The following BLTP1 variants were observed in gnomAD, a reference collection of about 807,000 sequenced individuals.
The protein encoded by BLTP1 is bridge-like lipid transfer protein family member 1.
chr4:122,219,586 A>G, the BLTP1 span: 2 of 1,559,664 alleles, frequency 1.3e-6, no homozygotes, highest in East Asian at 2.2e-5. Flanking sequence ...TTACACATGA[A>G]AGTAGTCTGG....
At chr4:122,293,122 T>G in the BLTP1 span, 1,535 of 964,792 alleles carry the variant, frequency 1.6e-3, 13 homozygotes, top group African/African-American at 0.025. Flanking sequence ...GTATAGAGGA[T>G]ATGATGCACT....
the BLTP1 span, chr4:122,180,235 C>T: frequency 1.1e-6 from 1 of 945,806 alleles, no homozygotes; most frequent in South Asian, 4.9e-5. Flanking sequence ...CCACTCTGAG[C>T]CTCATTTTTT....
chr4:122,300,904 C>T, the BLTP1 span: 7 of 980,222 alleles, frequency 7.1e-6, no homozygotes, highest in Non-Finnish European at 8.5e-6. Flanking sequence ...TTTCTGTATG[C>T]CACATTGCCC....
chr4:122,257,102 G>A, the BLTP1 span: 8 of 271,328 alleles, frequency 2.9e-5, no homozygotes, highest in South Asian at 1.4e-4. Context: ...TGACTCTCTT[G>A]GGTAACTTTG....
chr4:122,344,533 A>C, the BLTP1 span: 1 of 1,611,060 alleles, frequency 6.2e-7, no homozygotes, highest in Non-Finnish European at 8.5e-7. Context: ...CTGCAAGCAA[A>C]ATGGATACTA....
At chr4:122,154,752 G>T in the BLTP1 span, 1 of 162,024 alleles carries the variant, frequency 6.2e-6, no homozygotes, top group Non-Finnish European at 1.3e-5. Flanking sequence ...GGTGCCTGTA[G>T]TCCCAGCTAC....
the BLTP1 span, among the ~76,000 whole-genome samples, chr4:122,313,337 G>C: frequency 2.6e-5 from 4 of 152,170 alleles, no homozygotes; most frequent in South Asian, 8.3e-4. Context: ...AGTTGGCCAG[G>C]TGTTGTCACT....
chr4:122,233,843 CTG>C, the BLTP1 span, among the ~76,000 whole-genome samples: 7 of 152,162 alleles, frequency 4.6e-5, no homozygotes, highest in Admixed American at 2.0e-4. Flanking sequence ...GTCTTTGCCT[CTG>C]TATTGTAAAC....
the BLTP1 span, chr4:122,328,427 A>G: frequency 1.8e-5 from 25 of 1,370,342 alleles, no homozygotes; most frequent in Non-Finnish European, 2.2e-5. Flanking sequence ...AATGTTATAT[A>G]TAACTCAGCT....
the BLTP1 span, chr4:122,207,514 C>CTTT: frequency 2.1e-3 from 2,720 of 1,284,756 alleles, 7 homozygotes; most frequent in South Asian, 6.5e-3. Context: ...ACTTTTTCTT[C>CTTT]TTTTTTTTTT....
At chr4:122,298,679 A>G in the BLTP1 span, 1 of 611,650 alleles carries the variant, frequency 1.6e-6, no homozygotes, top group Non-Finnish European at 2.0e-6. Context: ...ACATATAATA[A>G]TAAAAAGATT....
the BLTP1 span, chr4:122,245,246 G>T: frequency 2.0e-6 from 2 of 997,486 alleles, no homozygotes; most frequent in Non-Finnish European, 3.0e-6. Context: ...AGAATATTTG[G>T]ACATGTTCTA....
At chr4:122,325,969 G>GA in the BLTP1 span, 1 of 468,944 alleles carries the variant, frequency 2.1e-6, no homozygotes, top group Non-Finnish European at 3.7e-6. Context: ...CAACCACACT[G>GA]AAAATCTACT....
the BLTP1 span, chr4:122,292,906 TAAAG>T: frequency 1.3e-5 from 3 of 230,836 alleles, no homozygotes; most frequent in African/African-American, 2.3e-5. Flanking sequence ...GTACCTAACT[TAAAG>T]AAGGGTTGGA....
At chr4:122,177,996 T>G in the BLTP1 span, 1 of 421,684 alleles carries the variant, frequency 2.4e-6, no homozygotes. Context: ...GTATACTTGG[T>G]GTCTAGAAAA....
the BLTP1 span, chr4:122,292,198 T>G: frequency 7.5e-4 from 177 of 235,290 alleles, no homozygotes; most frequent in African/African-American, 3.6e-3. Context: ...CTTGATCTCT[T>G]GACCTTGTGA....
chr4:122,238,466 G>C, the BLTP1 span: 51 of 734,960 alleles, frequency 6.9e-5, 2 homozygotes, highest in South Asian at 9.0e-4. Context: ...ATTGTTACCT[G>C]TATATCTGAA....
chr4:122,256,006 T>C, the BLTP1 span: 14 of 964,510 alleles, frequency 1.5e-5, no homozygotes, highest in Middle Eastern at 5.3e-4. Flanking sequence ...TAATTGATGA[T>C]TGAGGGGAGA....
the BLTP1 span, among the ~76,000 whole-genome samples, chr4:122,319,536 A>G: frequency 7.0e-6 from 1 of 142,178 alleles, no homozygotes; most frequent in South Asian, 2.3e-4. Flanking sequence ...TTTATGATTT[A>G]TAATTTTTTT....
Sources: gnomAD v4.1 joint callset for allele counts (sites outside exome capture counted in the v4.1 genomes callset) on GRCh38, gnomAD v4.1.1 for gene constraint, MANE v1.5 for transcripts, NCBI Gene and HGNC (gene_info 2026-07-23, HGNC 2026-07-21) for gene names.